Variants in GBE1 observed in about 807,000 individuals in gnomAD.
The protein encoded by GBE1 is 1,4-alpha-glucan-branching enzyme.
A neutral mutation model predicts 88.8 loss-of-function variants in GBE1; 70 were observed. That is an observed-to-expected ratio of 0.79 (90% CI 0.65 to 0.96). The LOEUF is 0.96. GBE1 is among the 40% of genes least tolerant of loss of function. The probability of loss-of-function intolerance (pLI) is 0.00; values close to 1 mark genes in which losing one functional copy is unlikely to be tolerated. For synonymous variants in GBE1, 284 were observed against 300.1 expected (o/e 0.95, Z 0.56); for missense variants, 872 against 871.0 (o/e 1.00, Z -0.01).
chr3:81,634,635 A>C (rs770509021), intron 7 of GBE1, among the ~76,000 whole-genome samples: 1 of 152,172 alleles, frequency 6.6e-6, no homozygotes, highest in Non-Finnish European at 1.5e-5. Flanking sequence ...AGAAGGAGAG[A>C]TCAAGAGACA....
intron 14 of GBE1, among the ~76,000 whole-genome samples, chr3:81,504,448 A>G (rs1702628841): frequency 6.6e-6 from 1 of 151,894 alleles, no homozygotes. Context: ...GGATCATAAA[A>G]TTTACCTTGT....
At chr3:81,596,912 A>T (rs1451463084) in intron 7 of GBE1, among the ~76,000 whole-genome samples, 1 of 152,004 alleles carries the variant, frequency 6.6e-6, no homozygotes, top group Non-Finnish European at 1.5e-5. Context: ...CAGTGAAAAT[A>T]CTGATTTCTG....
At chr3:81,590,433 C>T (rs964760734) in intron 9 of GBE1, among the ~76,000 whole-genome samples, 1 of 152,010 alleles carries the variant, frequency 6.6e-6, no homozygotes, top group East Asian at 1.9e-4. Flanking sequence ...AAGCATTTAA[C>T]AAACTTCTTA....
intron 7 of GBE1, among the ~76,000 whole-genome samples, chr3:81,632,864 G>T (rs73853451): frequency 6.6e-6 from 1 of 152,058 alleles, no homozygotes; most frequent in African/African-American, 2.4e-5. Context: ...TACACTGTGC[G>T]GAGCTGTTTG....
chr3:81,508,567 A>C (rs139341801), intron 14 of GBE1, among the ~76,000 whole-genome samples: 1 of 152,288 alleles, frequency 6.6e-6, no homozygotes, highest in African/African-American at 2.4e-5. Context: ...TGTGCTTTTA[A>C]ACTCAAAATA....
At chr3:81,497,641 G>GT (rs1702518079) in intron 15 of GBE1, among the ~76,000 whole-genome samples, 1 of 152,176 alleles carries the variant, frequency 6.6e-6, no homozygotes, top group South Asian at 2.1e-4. Flanking sequence ...ACAGAACCCT[G>GT]TTGGGGTACA....
At chr3:81,538,160 T>C (rs1233569764) in intron 12 of GBE1, among the ~76,000 whole-genome samples, 1 of 152,012 alleles carries the variant, frequency 6.6e-6, no homozygotes, top group Non-Finnish European at 1.5e-5. Flanking sequence ...ATTAATTTTA[T>C]AAATTTCTCC....
chr3:81,626,212 A>G (rs1315270748), intron 7 of GBE1, among the ~76,000 whole-genome samples: 1 of 152,186 alleles, frequency 6.6e-6, no homozygotes, highest in Non-Finnish European at 1.5e-5. Context: ...TTATCACTAT[A>G]TCTGTATTGG....
chr3:81,705,692 T>G lies in GBE1; in HGVS notation c.144-79A>C, dbSNP rs904094652. On this transcript the variant is annotated intron_variant, in intron 1 of 15. Transcript: ENST00000429644. The stretch of plus-strand genomic sequence containing the variant: ...AAGCTACTGTAATTAAGTAACTGCT[T>G]TAGTCTTATTCAGGGAAAAAAAGAC... 5.6e-6 allele frequency: 5 copies of G among 900,296 alleles called. No individual in the cohort carries two copies. In the African/African-American group the frequency reaches 8.8e-5, roughly 16 times the overall value. The allele number at this position is 900,296 out of a possible 1,614,324, so 55.8% of individuals were successfully genotyped here.
chr3:81,560,143 C>T (rs796318195), intron 12 of GBE1, among the ~76,000 whole-genome samples: 1 of 151,872 alleles, frequency 6.6e-6, no homozygotes, highest in Admixed American at 6.6e-5. Context: ...TAATTAAGTT[C>T]TCATCGTACC....
intron 1 of GBE1, among the ~76,000 whole-genome samples, chr3:81,751,845 T>C (rs1275524248): frequency 2.0e-5 from 3 of 152,220 alleles, no homozygotes; most frequent in Non-Finnish European, 4.4e-5. Context: ...TATTGTGCAG[T>C]TATTCATAAT....
chr3:81,686,864 G>A (rs1258250662), intron 2 of GBE1, among the ~76,000 whole-genome samples: 2 of 151,984 alleles, frequency 1.3e-5, no homozygotes, highest in Non-Finnish European at 1.5e-5. Context: ...TTCTTATTAC[G>A]TAGGTATTTA....
chr3:81,586,167 C>G lies in GBE1; in HGVS notation c.1260G>C (p.Leu420=), dbSNP rs1703800789. 7 of 1,606,314 alleles carry G rather than the reference C, an allele frequency of 4.4e-6. 1 individual carries two copies. The South Asian group carries it at 5.6e-5, about 13-fold the overall frequency. The change falls in exon 10 of 16, where the codon CTG becomes CTC. Residue 420 remains leucine (L), a synonymous_variant. Coordinates refer to ENST00000429644, the MANE Select transcript of GBE1 (RefSeq NM_000158.4). ...IAEDVSGMPA[L]CSPISQGGGG... Reference sequence around the variant, plus strand: ...CCCCTCCCTGGGAAATTGGAGAGCACAGAGCTGGCATTCCTGATACATCCT... The same window carrying G: ...CCCCTCCCTGGGAAATTGGAGAGCAGAGAGCTGGCATTCCTGATACATCCT...
At chr3:81,493,835 T>G (rs1488604330) in intron 15 of GBE1, among the ~76,000 whole-genome samples, 4 of 71,568 alleles carry the variant, frequency 5.6e-5, no homozygotes, top group Admixed American at 2.6e-4. Flanking sequence ...TCCGAGAGGG[T>G]TTTTTTTTTT....
intron 1 of GBE1, among the ~76,000 whole-genome samples, chr3:81,752,025 A>G (rs1223557493): frequency 6.6e-6 from 1 of 152,208 alleles, no homozygotes; most frequent in African/African-American, 2.4e-5. Flanking sequence ...TCTGATTATC[A>G]TATTTTGGGT....
chr3:81,661,494 T>C (rs937140347), intron 3 of GBE1, among the ~76,000 whole-genome samples: 4 of 152,222 alleles, frequency 2.6e-5, no homozygotes, highest in Non-Finnish European at 4.4e-5. Flanking sequence ...TGAGATTGAT[T>C]TGTATACTCC....
chr3:81,685,165 T>C (rs1184790135), intron 2 of GBE1, among the ~76,000 whole-genome samples: 1 of 152,144 alleles, frequency 6.6e-6, no homozygotes, highest in Non-Finnish European at 1.5e-5. Context: ...TTGTATACTC[T>C]ACTTCCTTGC....
intron 2 of GBE1, among the ~76,000 whole-genome samples, chr3:81,681,429 C>T (rs1163607234): frequency 6.6e-6 from 1 of 152,170 alleles, no homozygotes; most frequent in Non-Finnish European, 1.5e-5. Context: ...CTCCTCTATA[C>T]CCTAAAACAC....
chr3:81,598,638 T>C (rs956196221), intron 7 of GBE1, among the ~76,000 whole-genome samples: 8 of 151,958 alleles, frequency 5.3e-5, no homozygotes, highest in African/African-American at 1.2e-4. Flanking sequence ...CTTGAAATGA[T>C]TGAAAAGTAG....
Sources: allele counts gnomAD v4.1 joint callset (sites outside exome capture counted in the v4.1 genomes callset), GRCh38; gene constraint gnomAD v4.1.1; transcripts MANE v1.5; gene names NCBI Gene and HGNC (gene_info 2026-07-23, HGNC 2026-07-21).